Variants in KCNH7 observed in about 807,000 individuals in gnomAD.
KCNH7 encodes the protein voltage-gated inwardly rectifying potassium channel KCNH7.
A neutral mutation model predicts 120.8 loss-of-function variants in KCNH7; 49 were observed. That is an observed-to-expected ratio of 0.41 (90% CI 0.32 to 0.51). The LOEUF (loss-of-function observed/expected upper bound fraction) is 0.51. KCNH7 is among the 20% of genes least tolerant of loss of function. The probability of loss-of-function intolerance (pLI) is 0.38; values close to 1 mark genes in which losing one functional copy is unlikely to be tolerated. For synonymous variants in KCNH7, 547 were observed against 516.1 expected (o/e 1.06, Z -0.81); for missense variants, 1,097 against 1,446.6 (o/e 0.76, Z 3.92).
chr2:162,820,018 T>G (rs1475660939), intron 2 of KCNH7, among the ~76,000 whole-genome samples: 1 of 151,258 alleles, frequency 6.6e-6, no homozygotes, highest in Non-Finnish European at 1.5e-5. Context: ...TTCGGGTATT[T>G]CTTTATTCCA....
chr2:162,537,041 T>A lies in KCNH7; in HGVS notation c.347A>T (p.Lys116Ile). The A allele has an allele frequency of 6.2e-7, 1 of 1,612,714 alleles. No homozygotes were observed. Among genetic ancestry groups the A allele is most frequent in the Non-Finnish European group, 8.5e-7 (1 of 1,179,056 alleles). Residue 116 changes from lysine (K) to isoleucine (I), a missense_variant, in exon 3 of 16, where the codon AAA (lysine) becomes ATA (isoleucine). Lys to Ile is a moderately radical substitution (Grantham distance 102). Around this residue, in one of 8 missense-constraint regions of KCNH7, gnomAD observed 362 missense variants for 372.2 expected, o/e 0.97. Coordinates refer to ENST00000332142, the MANE Select transcript of KCNH7 (RefSeq NM_033272.4). Reference protein sequence around the residue: ...FICNTHIIPVKNQEGVAMMFI... With the variant: ...FICNTHIIPVINQEGVAMMFI... ...CATCATAGCCACGCCCTCTTGGTTT[T>A]TCACTGGAATTATGTGAGTGTTACA...
At chr2:162,440,442 C>T (rs1688383249) in intron 7 of KCNH7, among the ~76,000 whole-genome samples, 1 of 152,012 alleles carries the variant, frequency 6.6e-6, no homozygotes. Flanking sequence ...TTCATTTCAG[C>T]TAATCCCCTC....
intron 2 of KCNH7, among the ~76,000 whole-genome samples, chr2:162,663,556 A>C (rs1015148684): frequency 6.6e-6 from 1 of 152,184 alleles, no homozygotes; most frequent in South Asian, 2.1e-4. Flanking sequence ...GAAAGCCATC[A>C]TTAACTGTTG....
At chr2:162,713,114 G>A (rs956426868) in intron 2 of KCNH7, among the ~76,000 whole-genome samples, 4 of 152,122 alleles carry the variant, frequency 2.6e-5, no homozygotes, top group Admixed American at 6.5e-5. Context: ...TAGTAGAGAC[G>A]GGGCTTCCCC....
At chr2:162,590,345 C>A (rs916857627) in intron 2 of KCNH7, among the ~76,000 whole-genome samples, 4 of 152,018 alleles carry the variant, frequency 2.6e-5, no homozygotes, top group African/African-American at 9.7e-5. Flanking sequence ...GAAATCACTG[C>A]AAACAGGAAA....
At chr2:162,801,809 A>G (rs1008766090) in intron 2 of KCNH7, among the ~76,000 whole-genome samples, 8 of 151,770 alleles carry the variant, frequency 5.3e-5, no homozygotes, top group Non-Finnish European at 1.2e-4. Context: ...CTGAATACTA[A>G]TGATTTAATG....
At chr2:162,653,198 A>T (rs948977763) in intron 2 of KCNH7, among the ~76,000 whole-genome samples, 7 of 152,230 alleles carry the variant, frequency 4.6e-5, no homozygotes, top group African/African-American at 1.7e-4. Context: ...ACTCAACAGA[A>T]ATTATTGATT....
chr2:162,447,420 C>A (rs371522953), intron 6 of KCNH7, among the ~76,000 whole-genome samples: 16 of 152,000 alleles, frequency 1.1e-4, no homozygotes, highest in African/African-American at 3.9e-4. Flanking sequence ...AAAATGTAAG[C>A]CTTAATATAT....
chr2:162,835,384 G>T (rs191025346), intron 2 of KCNH7, among the ~76,000 whole-genome samples: 1 of 151,718 alleles, frequency 6.6e-6, no homozygotes, highest in Non-Finnish European at 1.5e-5. Context: ...TTTCTCTCTA[G>T]TATACCAAAT....
intron 2 of KCNH7, among the ~76,000 whole-genome samples, chr2:162,594,705 C>T (rs1694318365): frequency 6.6e-6 from 1 of 150,736 alleles, no homozygotes; most frequent in African/African-American, 2.5e-5. Flanking sequence ...ATTCCCTGAA[C>T]AATACAATAT....
intron 2 of KCNH7, among the ~76,000 whole-genome samples, chr2:162,616,012 G>A (rs988667704): frequency 1.3e-5 from 2 of 152,170 alleles, no homozygotes; most frequent in Non-Finnish European, 2.9e-5. Context: ...TCTACACTAT[G>A]GTTTTGTAAA....
At chr2:162,687,833 G>A (rs892430347) in intron 2 of KCNH7, among the ~76,000 whole-genome samples, 1 of 152,004 alleles carries the variant, frequency 6.6e-6, no homozygotes, top group Admixed American at 6.6e-5. Context: ...TCAAAAGATG[G>A]GTTTCTAAGT....
chr2:162,785,648 T>G (rs1341022664), intron 2 of KCNH7, among the ~76,000 whole-genome samples: 1 of 152,328 alleles, frequency 6.6e-6, no homozygotes, highest in South Asian at 2.1e-4. Flanking sequence ...TTTTATTTTC[T>G]CCTGTTTTGC....
In KCNH7 at chr2:162,371,701, T is replaced by C. The variant is rs1316768360; in HGVS notation, c.*128A>G. On this transcript the variant is annotated 3_prime_UTR_variant, in exon 16 of 16. Coordinates refer to ENST00000332142, the MANE Select transcript of KCNH7 (RefSeq NM_033272.4). ...CCTTACAAGCTTCAATTTAGGAAAATATACAGTACTTTTGCATATAATGGT... is the reference window on the plus strand; with the variant it reads ...CCTTACAAGCTTCAATTTAGGAAAACATACAGTACTTTTGCATATAATGGT... 2.2e-5 allele frequency: 21 copies of C among 936,432 alleles called. No homozygotes were observed. The highest frequency in any genetic ancestry group is 3.3e-5 in the African/African-American group (2 of 60,178). 58.0% of individuals were successfully genotyped at this position (936,432 alleles called of 1,614,324 possible). A position where few individuals can be genotyped will look rare whatever the true frequency, so the allele number is the denominator to read the frequency against.
intron 2 of KCNH7, among the ~76,000 whole-genome samples, chr2:162,695,938 G>T (rs1480036723): frequency 1.3e-5 from 2 of 152,268 alleles, no homozygotes; most frequent in African/African-American, 2.4e-5. Flanking sequence ...AAAAGAAGCT[G>T]CATGTAGTTA....
chr2:162,378,186 G>A (rs1039084864), intron 14 of KCNH7, among the ~76,000 whole-genome samples: 2 of 152,164 alleles, frequency 1.3e-5, no homozygotes, highest in African/African-American at 4.8e-5. Flanking sequence ...ATTTTGTATA[G>A]CATATGTAGT....
At chr2:162,750,615 T>C (rs549142386) in intron 2 of KCNH7, among the ~76,000 whole-genome samples, 2 of 152,272 alleles carry the variant, frequency 1.3e-5, no homozygotes, top group South Asian at 4.1e-4. Context: ...ATAGAGATAA[T>C]TTACAGAGGT....
intron 2 of KCNH7, among the ~76,000 whole-genome samples, chr2:162,712,134 G>T (rs530173992): frequency 8.5e-5 from 13 of 152,064 alleles, no homozygotes; most frequent in Non-Finnish European, 1.9e-4. Flanking sequence ...AATGTAGCAT[G>T]GTTTTTCCTC....
At chr2:162,748,742 C>G (rs918640282) in intron 2 of KCNH7, among the ~76,000 whole-genome samples, 3 of 152,094 alleles carry the variant, frequency 2.0e-5, no homozygotes, top group Non-Finnish European at 4.4e-5. Flanking sequence ...GAGATGATGA[C>G]CACGAACAAA....
Sources: gnomAD v4.1 joint callset for allele counts (sites outside exome capture counted in the v4.1 genomes callset) on GRCh38, gnomAD v4.1.1 for gene constraint, gnomAD v4.1.1 regional missense constraint, MANE v1.5 for transcripts, NCBI Gene and HGNC (gene_info 2026-07-23, HGNC 2026-07-21) for gene names.